The following ATP6V1C2 variants were observed in gnomAD, a reference collection of about 807,000 sequenced individuals.
ATP6V1C2 encodes V-type proton ATPase subunit C 2.
In ATP6V1C2, 45 loss-of-function variants were observed where a neutral mutation model predicts 56.8. The ratio of observed to expected loss-of-function variants is 0.79; its 90% CI spans 0.62 to 1.02. The LOEUF (loss-of-function observed/expected upper bound fraction) is 1.02, where lower values mean the gene tolerates loss of function less well. Ranked by LOEUF, ATP6V1C2 falls within the 50% of genes least tolerant of loss-of-function variation. The probability of loss-of-function intolerance (pLI) is 0.00; values close to 1 mark genes in which losing one functional copy is unlikely to be tolerated. For synonymous variants in ATP6V1C2, 220 were observed against 201.3 expected, an observed-to-expected ratio of 1.09 and a Z score of -0.79; for missense variants, 463 against 519.7, an observed-to-expected ratio of 0.89 and a Z score of 1.06.
At chr2:10,782,788 G>A (rs939303911) in intron 13 of ATP6V1C2, among the ~76,000 whole-genome samples, 45 of 125,648 alleles carry the variant, frequency 3.6e-4, no homozygotes, top group African/African-American at 1.3e-3. Flanking sequence ...CTGAGATCAC[G>A]CCACTACACT....
At position 10,755,379 on chromosome 2, in the gene ATP6V1C2, G is replaced by A. The variant is rs975399643; in HGVS notation, c.283+1313G>A. ...TTATTTTTTGTAGAGATGGGGTCTC[G>A]CAATGTCGCCCAGGCTGGTCTTAAA... On this transcript the variant is annotated intron_variant, in intron 4 of 13. Coordinates refer to ENST00000272238, the MANE Select transcript of ATP6V1C2 (RefSeq NM_001039362.2). Among the ~76,000 whole-genome samples, 5 of 151,864 alleles carry A rather than the reference G, an allele frequency of 3.3e-5. No homozygotes were observed. The South Asian group carries it at 1.0e-3, about 32-fold the overall frequency.
chr2:10,744,614 G>A (rs561728172), intron 3 of ATP6V1C2, among the ~76,000 whole-genome samples: 2 of 151,230 alleles, frequency 1.3e-5, no homozygotes, highest in African/African-American at 4.9e-5. Flanking sequence ...ACATAAACAG[G>A]TCTCACTGTT....
chr2:10,778,158 C>A (rs894136457), intron 11 of ATP6V1C2, among the ~76,000 whole-genome samples: 1 of 152,232 alleles, frequency 6.6e-6, no homozygotes, highest in African/African-American at 2.4e-5. Flanking sequence ...GTGGCTGCTG[C>A]TGTGGCCACG....
In ATP6V1C2 at chr2:10,779,707, A is replaced by AAAAG. The variant is rs746755191; in HGVS notation, c.1061+1038_1061+1039insAAAG. Among the ~76,000 whole-genome samples the AAAAG allele has an allele frequency of 2.6e-3, 381 of 145,126 alleles. 6 individuals carry two copies. The highest frequency in any genetic ancestry group is 9.1e-3 in the African/African-American group (365 of 40,096). On this transcript the variant is annotated intron_variant, in intron 12 of 13. Transcript: ENST00000272238. The stretch of plus-strand genomic sequence containing the variant: ...CTATAGAAAAAAAAAAAAAAAAAAA[A>AAAAG]CTTCACTGTGGGAAACCTGGCAACT...
At chr2:10,742,349 C>G (rs879477402) in intron 3 of ATP6V1C2, among the ~76,000 whole-genome samples, 1 of 152,228 alleles carries the variant, frequency 6.6e-6, no homozygotes, top group Non-Finnish European at 1.5e-5. Context: ...ATCCACTACT[C>G]CTCAGCGGGA....
Position 10,785,054 on chromosome 2 carries a change from C to A in ATP6V1C2, c.*1791C>A. On this transcript the variant is annotated 3_prime_UTR_variant, in exon 14 of 14. Coordinates refer to ENST00000272238, the MANE Select transcript of ATP6V1C2 (RefSeq NM_001039362.2). ...CCCTTAGGGAAAAATGACCAAAACA[C>A]ACACACACATTTACAATGGACTGCT... 1.4e-6 allele frequency: 2 copies of A among 1,443,380 alleles called. No homozygotes were observed. Among genetic ancestry groups the A allele is most frequent in the Non-Finnish European group, 1.9e-6 (2 of 1,045,592 alleles). The allele number at this position is 1,443,380 out of a possible 1,614,324, so 89.4% of individuals were successfully genotyped here. A position where few individuals can be genotyped will look rare whatever the true frequency, so the allele number is the denominator to read the frequency against.
chr2:10,765,510 C>T (rs909448448), intron 5 of ATP6V1C2, among the ~76,000 whole-genome samples: 3 of 152,272 alleles, frequency 2.0e-5, no homozygotes, highest in Admixed American at 6.5e-5. Flanking sequence ...GGAGCTGGGC[C>T]TCTCACCTGT....
chr2:10,769,424 G>C (rs918462885), intron 6 of ATP6V1C2, among the ~76,000 whole-genome samples: 3 of 151,974 alleles, frequency 2.0e-5, no homozygotes, highest in Non-Finnish European at 4.4e-5. Flanking sequence ...AAGCCAGGTG[G>C]CCAGGCTGGT....
intron 7 of ATP6V1C2, among the ~76,000 whole-genome samples, 156 bp from the exon 8 acceptor site, chr2:10,772,386 G>A (rs1453788786): frequency 2.0e-5 from 3 of 152,146 alleles, no homozygotes; most frequent in African/African-American, 7.2e-5. Context: ...ATTCCCCATG[G>A]GAACAGCAGA....
Position 10,764,641 on chromosome 2 carries a change from C to T in ATP6V1C2, c.378+216C>T, listed in dbSNP as rs1009161823. ...CCCTGGCCTCCCCTCGAGGGCCCAGCACCCATTCACTTGCTGCTCCACTTC... is the reference window on the plus strand; with the variant it reads ...CCCTGGCCTCCCCTCGAGGGCCCAGTACCCATTCACTTGCTGCTCCACTTC... On this transcript the variant is annotated intron_variant, in intron 5 of 13. Transcript: ENST00000272238. Among the ~76,000 whole-genome samples, 4 of 152,238 alleles carry T rather than the reference C, an allele frequency of 2.6e-5. 1 individual carries two copies. Among genetic ancestry groups the T allele is most frequent in the African/African-American group, 9.6e-5 (4 of 41,466 alleles).
intron 5 of ATP6V1C2, 71 bp downstream of exon 5, chr2:10,764,496 CCCTGCCAA>C: frequency 7.5e-7 from 1 of 1,325,378 alleles, no homozygotes; most frequent in East Asian, 2.3e-5. Flanking sequence ...GGTAGGGCCC[CCCTGCCAA>C]CAGCCTCAGC....
intron 12 of ATP6V1C2, 103 bp downstream of exon 12, chr2:10,778,772 C>A: frequency 1.8e-6 from 2 of 1,093,566 alleles, no homozygotes; most frequent in Non-Finnish European, 2.8e-6. Context: ...ATCCTCCACC[C>A]GTCTCCTTTC....
chr2:10,752,949 T>C lies in ATP6V1C2; in HGVS notation c.198-1032T>C, dbSNP rs549879251. Among the ~76,000 whole-genome samples, 10 of 152,114 alleles carry C rather than the reference T, an allele frequency of 6.6e-5. 1 individual carries two copies. The South Asian group carries it at 1.9e-3, about 28-fold the overall frequency. On this transcript the variant is annotated intron_variant, in intron 3 of 13. Transcript: ENST00000272238. ...AGGCGGAGGTTGCAGTGAGTCGAGA[T>C]TGCACCACTACACTCCAGCCTGGGT...
rs56236466 is a variant in ATP6V1C2, at chr2:10,741,892, C to CTCCT, written c.198-12053_198-12050dup. Among the ~76,000 whole-genome samples, 157 of 144,190 alleles carry CTCCT rather than the reference C, an allele frequency of 1.1e-3. 1 individual carries two copies. The highest frequency in any genetic ancestry group is 3.6e-3 in the African/African-American group (138 of 38,384). The allele number at this position is 144,190 out of a possible 152,430, so 94.6% of individuals were successfully genotyped here. Reference sequence around the variant, plus strand: ...GGTTCCTCCCTCCCTCCCTCCTTCCCTCCTTCCTTCCTTCCTTCCTTCCTT... The same window carrying CTCCT: ...GGTTCCTCCCTCCCTCCCTCCTTCCCTCCTTCCTTCCTTCCTTCCTTCCTTCCTT... On this transcript the variant is annotated intron_variant, in intron 3 of 13. Transcript: ENST00000272238.
intron 13 of ATP6V1C2, 88 bp downstream of exon 13, chr2:10,782,463 T>G: frequency 6.8e-7 from 1 of 1,471,576 alleles, no homozygotes. Context: ...CCCAACACTT[T>G]GGGAGGTAGG....
intron 5 of ATP6V1C2, 25 bp downstream of exon 5, chr2:10,764,450 A>G: frequency 6.2e-7 from 1 of 1,601,390 alleles, no homozygotes; most frequent in Non-Finnish European, 8.6e-7. Context: ...TGCTCTGGGG[A>G]ACAGCTGACT....
intron 3 of ATP6V1C2, among the ~76,000 whole-genome samples, chr2:10,732,200 G>A (rs916812694): frequency 2.0e-5 from 3 of 151,222 alleles, no homozygotes; most frequent in Non-Finnish European, 2.9e-5. Flanking sequence ...GCTTTCTTTC[G>A]CTTTCCCTTC....
chr2:10,773,535 A>G (rs1664765359), intron 8 of ATP6V1C2, among the ~76,000 whole-genome samples: 3 of 152,304 alleles, frequency 2.0e-5, no homozygotes, highest in Non-Finnish European at 4.4e-5. Flanking sequence ...GGCGTGCACC[A>G]ACACGGCCAG....
chr2:10,725,742 A>G (rs1005292207), intron 2 of ATP6V1C2, among the ~76,000 whole-genome samples: 3 of 151,020 alleles, frequency 2.0e-5, no homozygotes, highest in East Asian at 2.0e-4. Flanking sequence ...TGATCTGCCC[A>G]CCTTGGCCTC....
Sources: gnomAD v4.1 joint callset for allele counts (sites outside exome capture counted in the v4.1 genomes callset) on GRCh38, gnomAD v4.1.1 for gene constraint, MANE v1.5 for transcripts, NCBI Gene and HGNC (gene_info 2026-07-23, HGNC 2026-07-21) for gene names.